The following MYH7B variants were observed in gnomAD, a reference collection of about 807,000 sequenced individuals.
The protein encoded by MYH7B is myosin-7B.
A neutral mutation model predicts 234.5 loss-of-function variants in MYH7B; 205 were observed. That is an observed-to-expected ratio of 0.87 (90% CI 0.78 to 0.98). The LOEUF is 0.98. Ranked by LOEUF, MYH7B falls within the 50% of genes least tolerant of loss-of-function variation. The pLI, the probability that MYH7B is intolerant of heterozygous loss-of-function variation, is 0.00. For synonymous variants in MYH7B, 1,193 were observed against 1,105.0 expected, an observed-to-expected ratio of 1.08 and a Z score of -1.58; for missense variants, 2,652 against 2,633.4, an observed-to-expected ratio of 1.01 and a Z score of -0.15.
chr20:34,973,461 C>T (rs1045605469), intron 2 of MYH7B, among the ~76,000 whole-genome samples: 2 of 152,180 alleles, frequency 1.3e-5, no homozygotes, highest in African/African-American at 4.8e-5. Flanking sequence ...AGGGCAGATA[C>T]ATTTTGGGCT....
In MYH7B at chr20:34,998,392, C is replaced by T. The variant is rs111729674; in HGVS notation, c.3845C>T (p.Thr1282Met). ...CAGCGGCAGCTGGCGGACGCAAGCA[C>T]GCAGCGTGGGCGACTACAGACGGAA... The change falls in exon 33 of 45, where the codon ACG becomes ATG. Residue 1282 changes from threonine to methionine, a missense_variant. Transcript: ENST00000262873. The T allele has an allele frequency of 4.2e-5, 68 of 1,613,556 alleles. No homozygotes were observed. In the East Asian group the frequency reaches 1.1e-3, roughly 26 times the overall value.
At chr20:34,982,802 C>T (rs1351080152) in intron 10 of MYH7B, among the ~76,000 whole-genome samples, 1 of 152,162 alleles carries the variant, frequency 6.6e-6, no homozygotes, top group Non-Finnish European at 1.5e-5. Context: ...GCCACGTTGC[C>T]GTTTCTAAAT....
rs2082244191 is a variant in MYH7B, at chr20:34,995,706, C to T, written c.2943+128C>T. On this transcript the variant is annotated intron_variant, in intron 28 of 44. Coordinates refer to ENST00000262873, the Ensembl canonical transcript of MYH7B. ...TGGCCCTGGGCATGTCACTGCCTTTCCTGGGCCTCAGTTTCTTTATCTGTC... is the reference window on the plus strand; with the variant it reads ...TGGCCCTGGGCATGTCACTGCCTTTTCTGGGCCTCAGTTTCTTTATCTGTC... The T allele has an allele frequency of 5.7e-6, 8 of 1,401,328 alleles. No homozygotes were observed. In the South Asian group the frequency reaches 9.9e-5, roughly 17 times the overall value. 86.8% of individuals were successfully genotyped at this position (1,401,328 alleles called of 1,614,324 possible). A position where few individuals can be genotyped will look rare whatever the true frequency, so the allele number is the denominator to read the frequency against.
exon 8 of MYH7B, chr20:34,980,650 G>T: frequency 1.9e-6 from 3 of 1,614,178 alleles, no homozygotes; most frequent in Non-Finnish European, 2.5e-6. Flanking sequence ...CTCCGTAGTG[G>T]CTGCTTACAA....
intron 5 of MYH7B, among the ~76,000 whole-genome samples, chr20:34,978,391 G>A (rs897042453): frequency 6.6e-6 from 1 of 152,196 alleles, no homozygotes; most frequent in East Asian, 1.9e-4. Flanking sequence ...CGAGGCCTCT[G>A]AGATGAGACT....
At chr20:35,001,371 G>C (rs1044230533) in intron 42 of MYH7B, 22 bp downstream of exon 42, 16 of 1,599,892 alleles carry the variant, frequency 1.0e-5, no homozygotes, top group African/African-American at 1.3e-5. Context: ...GGTCTCCCTG[G>C]GGAGTGGCCC....
At chr20:34,968,945 A>G (rs2081768069) in intron 2 of MYH7B, among the ~76,000 whole-genome samples, 1 of 152,214 alleles carries the variant, frequency 6.6e-6, no homozygotes, top group African/African-American at 2.4e-5. Flanking sequence ...GAGCAGCAGC[A>G]ACTGCTGGCA....
At chr20:34,996,515 T>C (rs1708067622) in exon 29 of MYH7B, 1 of 1,609,966 alleles carries the variant, frequency 6.2e-7, no homozygotes, top group Non-Finnish European at 8.5e-7. Flanking sequence ...GAGCAACAGG[T>C]GGAGGACGTG....
At chr20:34,996,708 G>C (rs373145864) in exon 30 of MYH7B, 2 of 1,613,424 alleles carry the variant, frequency 1.2e-6, no homozygotes, top group African/African-American at 2.7e-5. Context: ...CGCAGGAGTC[G>C]GTGGCTGATG....
At position 34,997,589 on chromosome 20, in the gene MYH7B, C is replaced by T. The variant is rs201634312; in HGVS notation, c.3696C>T (p.Arg1232=). 164 of 1,613,484 alleles carry T rather than the reference C, an allele frequency of 1.0e-4. No individual in the cohort carries two copies. Among genetic ancestry groups the T allele is most frequent in the Non-Finnish European group, 1.3e-4 (154 of 1,179,748 alleles). Residue 1232 remains arginine, a synonymous_variant, in exon 32 of 45, where the codon CGC becomes CGT. Coordinates refer to ENST00000262873, the Ensembl canonical transcript of MYH7B. ...TGGAGAAGGAGAAGAGTGAGCTGCG[C>T]ATGGAGGTGGACGACCTGGCTGCCA...
intron 2 of MYH7B, among the ~76,000 whole-genome samples, chr20:34,969,108 G>A (rs2081769307): frequency 6.6e-6 from 1 of 152,108 alleles, no homozygotes; most frequent in Admixed American, 6.5e-5. Flanking sequence ...GGATGGTTTT[G>A]CATAGACACA....
rs749083292 is a variant in MYH7B at position 34,980,739 on chromosome 20, G to A, written c.499+5G>A. The A allele has an allele frequency of 2.5e-6, 4 of 1,611,988 alleles. No homozygotes were observed. Among genetic ancestry groups the A allele is most frequent in the Non-Finnish European group, 3.4e-6 (4 of 1,178,360 alleles). ...CCTACAACGACATGCTGCGCAGTAA[G>A]GGCCGCCTGGACTCCTCCCCAACCG... On this transcript the variant is annotated splice_donor_5th_base_variant and intron_variant, in intron 8 of 44. Transcript: ENST00000262873.
chr20:35,002,129 G>C (rs754431271), intron 44 of MYH7B, 44 bp downstream of exon 44: 2 of 1,608,256 alleles, frequency 1.2e-6, no homozygotes, highest in African/African-American at 2.7e-5. Flanking sequence ...GGGGGACTGT[G>C]GGGGCTGACA....
intron 8 of MYH7B, 121 bp downstream of exon 8, chr20:34,980,855 G>T (rs1343005295): frequency 6.7e-7 from 1 of 1,502,636 alleles, no homozygotes; most frequent in East Asian, 2.3e-5. Flanking sequence ...GGACATGGTC[G>T]CCCAGCCGTT....
chr20:34,981,489 G>C, intron 9 of MYH7B: 1 of 213,340 alleles, frequency 4.7e-6, no homozygotes, highest in South Asian at 7.6e-5. Flanking sequence ...TTACATGCCA[G>C]GCTCATGTCC....
At chr20:34,979,680 C>T (rs1485978765) in exon 7 of MYH7B, 2 of 1,614,132 alleles carry the variant, frequency 1.2e-6, no homozygotes, top group Non-Finnish European at 1.7e-6. Context: ...GTGCGTGAAG[C>T]CGAGCTGCAG....
intron 13 of MYH7B, 53 bp downstream of exon 13, chr20:34,985,182 C>A: frequency 6.4e-7 from 1 of 1,559,656 alleles, no homozygotes. Flanking sequence ...AGCCCGGTCA[C>A]CCCAACTCGG....
chr20:34,981,044 C>A lies in MYH7B; in HGVS notation c.511C>A (p.Gln171Lys), dbSNP rs763409138. 6 of 1,613,996 alleles carry A rather than the reference C, an allele frequency of 3.7e-6. No homozygotes were observed. The highest frequency in any genetic ancestry group is 5.1e-6 in the Non-Finnish European group (6 of 1,180,012). ...TCCCTTTCCTCCAGACCGAGACAAC[C>A]AGTCCATGCTGATCACGTGAGTGTG... The change falls in exon 9 of 45, where the codon CAG (glutamine) becomes AAG (lysine). Residue 171 changes from glutamine to lysine, a missense_variant. Coordinates refer to ENST00000262873, the Ensembl canonical transcript of MYH7B.
intron 34 of MYH7B, 35 bp downstream of exon 34, chr20:34,998,664 T>G: frequency 1.2e-6 from 2 of 1,612,562 alleles, no homozygotes; most frequent in South Asian, 1.1e-5. Flanking sequence ...AGTGGGCAGG[T>G]GGGCACCAGA....
Sources: gnomAD v4.1 joint callset for allele counts (sites outside exome capture counted in the v4.1 genomes callset) on GRCh38, gnomAD v4.1.1 for gene constraint, MANE v1.5 for transcripts, NCBI Gene and HGNC (gene_info 2026-07-23, HGNC 2026-07-21) for gene names.